The following ANXA10 variants were observed in gnomAD, a reference collection of about 807,000 sequenced individuals.
ANXA10 encodes the protein annexin A10.
A neutral mutation model predicts 53.5 loss-of-function variants in ANXA10; 49 were observed. The observed-to-expected ratio is 0.92, with a 90% CI of 0.73 to 1.16. ANXA10 has a LOEUF of 1.16. Among genes scored for constraint, ANXA10 ranks in the 50% most tolerant of loss-of-function variants. The pLI, the probability that ANXA10 is intolerant of heterozygous loss-of-function variation, is 0.00. For missense variants in ANXA10, 393 were observed against 394.4 expected (o/e 1.00, Z 0.03); for synonymous variants, 131 against 128.9 (o/e 1.02, Z -0.11).
intron 3 of ANXA10, among the ~76,000 whole-genome samples, chr4:168,158,866 T>C (rs1731733728): frequency 6.6e-6 from 1 of 152,144 alleles, no homozygotes; most frequent in Admixed American, 6.6e-5. Context: ...GGCCTGAAGA[T>C]AGGTGTTTGG....
At chr4:168,154,891 G>A (rs1731575676) in intron 3 of ANXA10, among the ~76,000 whole-genome samples, 1 of 152,112 alleles carries the variant, frequency 6.6e-6, no homozygotes, top group African/African-American at 2.4e-5. Context: ...CAAATATTAA[G>A]TATTCAGTAA....
chr4:168,124,736 T>A (rs1030150691), intron 1 of ANXA10, among the ~76,000 whole-genome samples: 1 of 152,200 alleles, frequency 6.6e-6, no homozygotes, highest in African/African-American at 2.4e-5. Context: ...TGTTTCTTTC[T>A]TCTGAAAACC....
intron 3 of ANXA10, among the ~76,000 whole-genome samples, chr4:168,144,463 A>G (rs956304405): frequency 3.3e-5 from 5 of 152,232 alleles, no homozygotes; most frequent in African/African-American, 1.2e-4. Context: ...CTGGGATTAC[A>G]GGCATGAGCC....
At chr4:168,151,096 G>T (rs974601594) in intron 3 of ANXA10, among the ~76,000 whole-genome samples, 1 of 152,090 alleles carries the variant, frequency 6.6e-6, no homozygotes, top group Non-Finnish European at 1.5e-5. Flanking sequence ...GAGGGACTTA[G>T]GATTTCATTT....
chr4:168,107,370 A>G (rs1035702573), intron 1 of ANXA10, among the ~76,000 whole-genome samples: 9 of 152,214 alleles, frequency 5.9e-5, no homozygotes, highest in African/African-American at 9.6e-5. Context: ...TTCCAATTAT[A>G]TAAAGTGATG....
chr4:168,116,135 G>A (rs1046016045), intron 1 of ANXA10, among the ~76,000 whole-genome samples: 3 of 152,078 alleles, frequency 2.0e-5, no homozygotes, highest in Non-Finnish European at 4.4e-5. Context: ...GTGAATAATA[G>A]TAATACTTGG....
chr4:168,162,676 G>GT, intron 4 of ANXA10, 35 bp downstream of exon 4: 1 of 1,523,284 alleles, frequency 6.6e-7, no homozygotes, highest in Non-Finnish European at 9.1e-7. Flanking sequence ...CCTGTAACAA[G>GT]TACAGGCCAG....
At chr4:168,182,911 G>A (rs1242224777) in intron 10 of ANXA10, among the ~76,000 whole-genome samples, 1 of 149,836 alleles carries the variant, frequency 6.7e-6, no homozygotes, top group Admixed American at 6.6e-5. Context: ...TCGGGAGGCT[G>A]AGGCAGGAGA....
chr4:168,119,904 AT>A (rs1730957588), intron 1 of ANXA10, among the ~76,000 whole-genome samples: 2 of 152,140 alleles, frequency 1.3e-5, no homozygotes, highest in Non-Finnish European at 2.9e-5. Context: ...TACCAGATAA[AT>A]TTGGATTCAA....
chr4:168,137,737 A>T (rs1206472304), intron 2 of ANXA10, among the ~76,000 whole-genome samples: 1 of 152,188 alleles, frequency 6.6e-6, no homozygotes. Context: ...ATGGTAATGC[A>T]ATAAACATAT....
intron 3 of ANXA10, among the ~76,000 whole-genome samples, chr4:168,146,697 G>A (rs72987467): frequency 0.032 from 4,915 of 152,198 alleles, 234 homozygotes; most frequent in African/African-American, 0.11. Flanking sequence ...AGCCCTTACT[G>A]TGGACAGCTG....
intron 3 of ANXA10, among the ~76,000 whole-genome samples, chr4:168,152,948 A>G (rs538571716): frequency 1.3e-5 from 2 of 152,054 alleles, no homozygotes; most frequent in South Asian, 4.1e-4. Context: ...GGCTCAGGTA[A>G]TCCTCCCACC....
chr4:168,153,673 A>C (rs1249838742), intron 3 of ANXA10, among the ~76,000 whole-genome samples: 2 of 152,104 alleles, frequency 1.3e-5, no homozygotes, highest in South Asian at 4.1e-4. Flanking sequence ...TTGAATGCCT[A>C]TAATATGCCA....
chr4:168,123,489 C>G (rs1731022384), intron 1 of ANXA10, among the ~76,000 whole-genome samples: 1 of 152,142 alleles, frequency 6.6e-6, no homozygotes, highest in Admixed American at 6.5e-5. Flanking sequence ...AGGAATCTTG[C>G]TGAAGGCAGG....
chr4:168,162,678 A>G (rs1193335540), intron 4 of ANXA10, 37 bp downstream of exon 4: 1 of 1,546,060 alleles, frequency 6.5e-7, no homozygotes, highest in South Asian at 1.1e-5. Context: ...TGTAACAAGT[A>G]CAGGCCAGTA....
At chr4:168,118,927 G>A (rs1255652960) in intron 1 of ANXA10, among the ~76,000 whole-genome samples, 1 of 152,042 alleles carries the variant, frequency 6.6e-6, no homozygotes, top group Non-Finnish European at 1.5e-5. Flanking sequence ...CTGGCTAACA[G>A]AGAACAATAT....
chr4:168,180,296 C>G (rs1185603821), intron 9 of ANXA10, among the ~76,000 whole-genome samples: 1 of 152,176 alleles, frequency 6.6e-6, no homozygotes, highest in Non-Finnish European at 1.5e-5. Flanking sequence ...CAAAATCCTT[C>G]ATTTTATAAA....
intron 2 of ANXA10, among the ~76,000 whole-genome samples, chr4:168,128,631 TTCTTC>T (rs753940941): frequency 3.3e-5 from 5 of 152,176 alleles, no homozygotes; most frequent in Non-Finnish European, 7.3e-5. Context: ...GAATGTTATT[TTCTTC>T]TCTTGTCTAC....
chr4:168,150,841 C>T (rs866185879), intron 3 of ANXA10, among the ~76,000 whole-genome samples: 5 of 152,162 alleles, frequency 3.3e-5, no homozygotes, highest in African/African-American at 1.2e-4. Context: ...GGAAAGAATG[C>T]TGGCTGGTTG....
Sources: gnomAD v4.1 joint callset for allele counts (sites outside exome capture counted in the v4.1 genomes callset) on GRCh38, gnomAD v4.1.1 for gene constraint, MANE v1.5 for transcripts, NCBI Gene and HGNC (gene_info 2026-07-23, HGNC 2026-07-21) for gene names.